The following RYR3 variants were observed in gnomAD, a reference collection of about 807,000 sequenced individuals.
RYR3 encodes the protein brain ryanodine receptor-calcium release channel.
A neutral mutation model predicts 584.3 loss-of-function variants in RYR3; 207 were observed. The observed-to-expected ratio is 0.35, with a 90% confidence interval of 0.32 to 0.40. The LOEUF (loss-of-function observed/expected upper bound fraction) is 0.40. Among genes scored for constraint, RYR3 ranks in the 10% least tolerant of loss-of-function variants. RYR3 has a pLI of 1.00. For synonymous variants in RYR3, 2,416 were observed against 2,248.5 expected, an observed-to-expected ratio of 1.07 and a Z score of -2.11; for missense variants, 5,616 against 6,089.2, an observed-to-expected ratio of 0.92 and a Z score of 2.59.
intron 11 of RYR3, among the ~76,000 whole-genome samples, chr15:33,565,624 G>T (rs1391009234): frequency 6.6e-6 from 1 of 152,130 alleles, no homozygotes; most frequent in Admixed American, 6.5e-5. Context: ...AGACTTCCAG[G>T]ATCTACACTT....
intron 2 of RYR3, among the ~76,000 whole-genome samples, chr15:33,480,729 T>A (rs2049886435): frequency 1.3e-5 from 2 of 152,220 alleles, no homozygotes; most frequent in Non-Finnish European, 2.9e-5. Context: ...ATCACTCCAA[T>A]CTTTTTCAAT....
intron 12 of RYR3, among the ~76,000 whole-genome samples, chr15:33,572,086 C>G (rs1168003676): frequency 6.6e-6 from 1 of 152,062 alleles, no homozygotes; most frequent in African/African-American, 2.4e-5. Flanking sequence ...CATTCTTTGC[C>G]TACTCCTTTG....
rs374756167 is a variant in RYR3, at chr15:33,838,361, G to A, written c.12381G>A (p.Ala4127=). ...DEDSSYVLEI[A]GEEEEDGSLE... is the part of the protein sequence containing the mutation. Reference sequence around the variant, plus strand: ...ATTCTTCTTACGTGTTAGAAATTGCGGGTGAAGAGGAAGAAGACGGGTCTC... The same window carrying A: ...ATTCTTCTTACGTGTTAGAAATTGCAGGTGAAGAGGAAGAAGACGGGTCTC... Residue 4127 remains alanine (A), a synonymous_variant, in exon 89 of 104, where the codon GCG becomes GCA. Transcript: ENST00000634891. 2.7e-5 allele frequency: 43 copies of A among 1,613,838 alleles called. No homozygotes were observed. The highest frequency in any genetic ancestry group is 3.3e-4 in the Middle Eastern group (2 of 6,084).
At chr15:33,391,667 A>G (rs2042007762) in intron 1 of RYR3, among the ~76,000 whole-genome samples, 1 of 152,134 alleles carries the variant, frequency 6.6e-6, no homozygotes, top group East Asian at 1.9e-4. Flanking sequence ...GCTGGACCAA[A>G]TAGGCCGAAT....
Position 33,663,735 on chromosome 15 carries a change from C to A in RYR3, c.5617C>A (p.Gln1873Lys). The change falls in exon 36 of 104, where the codon CAG becomes AAG. Residue 1873 changes from glutamine (Q) to lysine (K), a missense_variant and splice_region_variant. Physicochemically the swap from Gln to Lys is moderately conservative, Grantham distance 53 (BLOSUM62 1). Around this residue, in one of 9 missense-constraint regions of RYR3, gnomAD observed 1,280 missense variants for 1,426.2 expected, o/e 0.90. Transcript: ENST00000634891. ...GGAGTTCCGCTCACCCCCACAGGAGCAGGTGAGGGTCCTTCCTGAGCCTCT... is the reference window on the plus strand; with the variant it reads ...GGAGTTCCGCTCACCCCCACAGGAGAAGGTGAGGGTCCTTCCTGAGCCTCT... ...TKEFRSPPQE[Q>K]INMLLNFQLG... is the part of the protein sequence containing the mutation. 6.2e-7 allele frequency: 1 copy of A among 1,602,548 alleles called. No individual in the cohort carries two copies. The highest frequency in any genetic ancestry group is 8.5e-7 in the Non-Finnish European group (1 of 1,175,236).
intron 1 of RYR3, among the ~76,000 whole-genome samples, chr15:33,454,568 G>A (rs1178993655): frequency 2.0e-5 from 3 of 152,176 alleles, no homozygotes. Flanking sequence ...CAAGGATGGA[G>A]GAGGCAGACA....
At chr15:33,623,173 A>G (rs966940929) in intron 19 of RYR3, among the ~76,000 whole-genome samples, 8 of 152,192 alleles carry the variant, frequency 5.3e-5, no homozygotes, top group Non-Finnish European at 1.0e-4. Flanking sequence ...CTTGATGCCT[A>G]TCTGTGCCCA....
At chr15:33,796,261 A>T (rs1021695079) in intron 67 of RYR3, among the ~76,000 whole-genome samples, 1 of 152,000 alleles carries the variant, frequency 6.6e-6, no homozygotes, top group African/African-American at 2.4e-5. Context: ...CAGCCTCCCG[A>T]GTAGCTGGGA....
intron 102 of RYR3, among the ~76,000 whole-genome samples, chr15:33,863,518 C>A (rs925808955): frequency 3.3e-5 from 5 of 152,180 alleles, no homozygotes; most frequent in African/African-American, 9.7e-5. Context: ...GAAACGGTCT[C>A]TGAGATCATA....
intron 1 of RYR3, among the ~76,000 whole-genome samples, chr15:33,436,835 A>G (rs975654486): frequency 6.6e-6 from 1 of 152,136 alleles, no homozygotes; most frequent in African/African-American, 2.4e-5. Context: ...GTGCAATTTG[A>G]TGTATTAGCC....
intron 99 of RYR3, 42 bp downstream of exon 99, chr15:33,857,956 G>A: frequency 6.4e-7 from 1 of 1,566,732 alleles, no homozygotes; most frequent in African/African-American, 1.5e-5. Flanking sequence ...CCCACTGCGG[G>A]GCCACCCCGC....
chr15:33,753,723 TG>T (rs2071545878), intron 57 of RYR3, among the ~76,000 whole-genome samples: 1 of 152,216 alleles, frequency 6.6e-6, no homozygotes, highest in Non-Finnish European at 1.5e-5. Flanking sequence ...TTTGCCGTGT[TG>T]TCGAACAGGA....
Position 33,662,464 on chromosome 15 carries a change from A to G in RYR3, c.4934A>G (p.Asp1645Gly). The change falls in exon 35 of 104, where the codon GAC (aspartate) becomes GGC (glycine). Residue 1645 changes from aspartate to glycine, a missense_variant. Coordinates refer to ENST00000634891, the MANE Select transcript of RYR3 (RefSeq NM_001036.6). ...ACCAGGAATATCCGCCTCTTCCCGG[A>G]CGAGTCCAAGAGGCATGGACTGCCT... ...STTRNIRLFPDESKRHGLPGV... is the reference protein window; with the variant it reads ...STTRNIRLFPGESKRHGLPGV... 1 of 1,613,972 alleles carries G rather than the reference A, an allele frequency of 6.2e-7. No homozygotes were observed. The highest frequency in any genetic ancestry group is 8.5e-7 in the Non-Finnish European group (1 of 1,179,880).
At chr15:33,361,097 G>T (rs1395743585) in intron 1 of RYR3, among the ~76,000 whole-genome samples, 1 of 152,196 alleles carries the variant, frequency 6.6e-6, no homozygotes, top group Non-Finnish European at 1.5e-5. Flanking sequence ...CCTGCATACA[G>T]CTGGGGCCCA....
At position 33,670,525 on chromosome 15, in the gene RYR3, G is replaced by C. The variant is rs767187763; in HGVS notation, c.5829G>C (p.Glu1943Asp). 2.6e-5 allele frequency: 41 copies of C among 1,599,108 alleles called. No individual in the cohort carries two copies. Among genetic ancestry groups the C allele is most frequent in the Admixed American group, 3.6e-5 (2 of 56,124 alleles). The change falls in exon 38 of 104, where the codon GAG becomes GAC. Residue 1943 changes from glutamate to aspartate, a missense_variant. This residue lies in a region of RYR3 where 1,280 missense variants were observed against 1,426.2 expected (regional missense o/e 0.90). Coordinates refer to ENST00000634891, the MANE Select transcript of RYR3 (RefSeq NM_001036.6). ...AAGGCCCACCCAAGCCAGAGAAGGA[G>C]CAGCCGACGGAGGAGGAGGAGAGAT... Reference protein sequence around the residue: ...KIKGPPKPEKEQPTEEEERCP... With the variant: ...KIKGPPKPEKDQPTEEEERCP...
At position 33,696,401 on chromosome 15, in the gene RYR3, T is replaced by C. The variant is rs757603449; in HGVS notation, c.6044T>C (p.Ile2015Thr). ...TISHTSVSDT[I>T]NLLAALGQIR... ...AGCCACACCTCTGTAAGCGACACCA[T>C]CAACCTGCTGGCTGCCCTGGGCCAA... is the stretch of plus-strand genomic sequence containing the variant. The change falls in exon 39 of 104, where the codon ATC (isoleucine) becomes ACC (threonine). Residue 2015 changes from isoleucine to threonine, a missense_variant. By Grantham distance (89) the Ile-to-Thr change is moderately conservative. Coordinates refer to ENST00000634891, the MANE Select transcript of RYR3 (RefSeq NM_001036.6). 6.2e-7 allele frequency: 1 copy of C among 1,613,900 alleles called. No individual in the cohort carries two copies. Among genetic ancestry groups the C allele is most frequent in the South Asian group, 1.1e-5 (1 of 91,068 alleles).
At chr15:33,631,157 G>A (rs1453632230) in intron 22 of RYR3, 53 bp from the exon 23 acceptor site, 4 of 1,111,522 alleles carry the variant, frequency 3.6e-6, no homozygotes, top group Non-Finnish European at 3.9e-6. Flanking sequence ...TAGGGTTCCT[G>A]CTGTTCCTAA....
intron 3 of RYR3, among the ~76,000 whole-genome samples, chr15:33,523,300 G>A (rs1264446635): frequency 1.3e-5 from 2 of 152,150 alleles, no homozygotes; most frequent in African/African-American, 4.8e-5. Context: ...GGAAGCTTTG[G>A]TCTTTTGCTT....
At chr15:33,403,913 T>C (rs746324602) in intron 1 of RYR3, among the ~76,000 whole-genome samples, 2 of 151,166 alleles carry the variant, frequency 1.3e-5, no homozygotes, top group Non-Finnish European at 2.9e-5. Flanking sequence ...AAAAGAGAGA[T>C]TGTTAGCCAT....
Sources: gnomAD v4.1 joint callset for allele counts (sites outside exome capture counted in the v4.1 genomes callset) on GRCh38, gnomAD v4.1.1 for gene constraint, gnomAD v4.1.1 regional missense constraint, MANE v1.5 for transcripts, NCBI Gene and HGNC (gene_info 2026-07-23, HGNC 2026-07-21) for gene names.